The following CCDC7 variants were observed in gnomAD, a reference collection of about 807,000 sequenced individuals.
CCDC7 encodes the protein coiled-coil domain-containing protein 7.
CCDC7 carries 183 observed loss-of-function variants against 196.9 expected under a neutral mutation model. That is an observed-to-expected ratio of 0.93 (90% CI 0.82 to 1.05). The LOEUF is 1.05. Ranked by LOEUF, CCDC7 falls within the 50% of genes least tolerant of loss-of-function variation. CCDC7 has a pLI of 0.00. For synonymous variants in CCDC7, 525 were observed against 484.6 expected (o/e 1.08, Z -1.10); for missense variants, 1,540 against 1,482.2 (o/e 1.04, Z -0.64).
intron 20 of CCDC7, among the ~76,000 whole-genome samples, chr10:32,653,017 T>A (rs1438434157): frequency 1.3e-5 from 2 of 152,244 alleles, no homozygotes; most frequent in Non-Finnish European, 2.9e-5. Flanking sequence ...ACCTTTTGTT[T>A]GTCTAGGAAA....
intron 18 of CCDC7, among the ~76,000 whole-genome samples, chr10:32,585,364 C>T (rs17585234): frequency 5.3e-5 from 8 of 152,182 alleles, no homozygotes; most frequent in East Asian, 1.9e-4. Context: ...TGAGCCACCG[C>T]GCCCAGCCAA....
rs553838632 is a variant in CCDC7 at position 32,823,891 on chromosome 10, A to G, written c.3182-627A>G. ...CCCAGCTGTAAAGTCCGCCTGCTAA[A>G]AGAACCAGAGAGAAGAGACTTTTTT... On this transcript the variant is annotated intron_variant, in intron 31 of 41. Transcript: ENST00000639629. Among the ~76,000 whole-genome samples, 7 of 152,334 alleles carry G rather than the reference A, an allele frequency of 4.6e-5. No homozygotes were observed. The East Asian group carries it at 1.2e-3, about 25-fold the overall frequency.
intron 21 of CCDC7, among the ~76,000 whole-genome samples, chr10:32,669,641 T>G (rs2073646259): frequency 6.6e-6 from 1 of 152,182 alleles, no homozygotes; most frequent in South Asian, 2.1e-4. Flanking sequence ...TATTCATTTC[T>G]TCACGGTTAT....
intron 8 of CCDC7, among the ~76,000 whole-genome samples, chr10:32,476,766 A>G (rs1222077977): frequency 6.6e-6 from 1 of 152,204 alleles, no homozygotes. Context: ...ATAGTTGTGT[A>G]GTGATTTTTC....
At chr10:32,480,244 T>A (rs1442673408) in intron 8 of CCDC7, among the ~76,000 whole-genome samples, 1 of 152,118 alleles carries the variant, frequency 6.6e-6, no homozygotes, top group Admixed American at 6.6e-5. Flanking sequence ...TTGGGCTCAG[T>A]TTGTTCTTTT....
chr10:32,483,322 T>C (rs2040344749), intron 8 of CCDC7, among the ~76,000 whole-genome samples: 1 of 152,188 alleles, frequency 6.6e-6, no homozygotes, highest in Admixed American at 6.6e-5. Context: ...TGTTCATACC[T>C]GTTGCACACT....
intron 28 of CCDC7, among the ~76,000 whole-genome samples, chr10:32,742,726 G>A (rs531304920): frequency 6.6e-6 from 1 of 152,096 alleles, no homozygotes; most frequent in Non-Finnish European, 1.5e-5. Flanking sequence ...GGTGAAGAAG[G>A]GCTCTCCTTA....
At chr10:32,819,513 A>G (rs2089683755) in intron 31 of CCDC7, among the ~76,000 whole-genome samples, 1 of 152,214 alleles carries the variant, frequency 6.6e-6, no homozygotes, top group African/African-American at 2.4e-5. Flanking sequence ...ACACAACAAA[A>G]AAAAGAGAAT....
At chr10:32,759,698 T>A (rs1209303207) in intron 28 of CCDC7, among the ~76,000 whole-genome samples, 3 of 152,074 alleles carry the variant, frequency 2.0e-5, no homozygotes, top group African/African-American at 7.2e-5. Context: ...GGACTTCATG[T>A]CTAAAACACC....
At chr10:32,543,104 A>T (rs941392159) in intron 11 of CCDC7, among the ~76,000 whole-genome samples, 196 bp from the exon 13 acceptor site, 1 of 152,194 alleles carries the variant, frequency 6.6e-6, no homozygotes, top group Non-Finnish European at 1.5e-5. Context: ...GTTATATACA[A>T]CTTACACCAC....
chr10:32,817,329 G>C (rs1434887275), intron 31 of CCDC7, among the ~76,000 whole-genome samples: 2 of 152,120 alleles, frequency 1.3e-5, no homozygotes, highest in Non-Finnish European at 2.9e-5. Context: ...AAGAAATATG[G>C]GACTACATGA....
rs551940551 is a variant in CCDC7 at position 32,670,637 on chromosome 10, C to T, written c.2122+6476C>T. On this transcript the variant is annotated intron_variant, in intron 21 of 41. Coordinates refer to ENST00000639629, the Ensembl canonical transcript of CCDC7. Reference sequence around the variant, plus strand: ...ATTCCCACCTATGAGTGAGAATATGCGGTGTCTGGTTTTTTGTTCTTGCGA... The same window carrying T: ...ATTCCCACCTATGAGTGAGAATATGTGGTGTCTGGTTTTTTGTTCTTGCGA... 1.3e-4 allele frequency among the ~76,000 whole-genome samples: 19 copies of T among 148,410 alleles called. 1 individual carries two copies. The South Asian group carries it at 2.6e-3, about 20-fold the overall frequency.
At chr10:32,554,555 T>C (rs1234224768) in intron 13 of CCDC7, among the ~76,000 whole-genome samples, 3 of 152,188 alleles carry the variant, frequency 2.0e-5, no homozygotes, top group Admixed American at 6.5e-5. Flanking sequence ...CCAAGTAAGG[T>C]CAGAAACTTT....
chr10:32,610,830 C>G (rs1306240376), intron 18 of CCDC7, among the ~76,000 whole-genome samples: 6 of 152,222 alleles, frequency 3.9e-5, no homozygotes, highest in Admixed American at 2.0e-4. Context: ...CATTGATGGG[C>G]ATTTTGGTTG....
At chr10:32,632,145 G>T (rs959171252) in intron 18 of CCDC7, among the ~76,000 whole-genome samples, 2 of 140,056 alleles carry the variant, frequency 1.4e-5, no homozygotes, top group Admixed American at 7.1e-5. Context: ...TTTTTGGGGG[G>T]GGGGGGGTCT....
chr10:32,829,314 C>T (rs754657669), intron 32 of CCDC7, among the ~76,000 whole-genome samples: 5 of 152,144 alleles, frequency 3.3e-5, no homozygotes, highest in Non-Finnish European at 7.4e-5. Flanking sequence ...AAAGGGAATA[C>T]AGAATGCATA....
intron 21 of CCDC7, among the ~76,000 whole-genome samples, chr10:32,678,774 G>T (rs528921148): frequency 1.3e-5 from 2 of 152,182 alleles, no homozygotes; most frequent in African/African-American, 2.4e-5. Flanking sequence ...CTTGGGGAAG[G>T]TGTGACATGA....
chr10:32,461,157 A>G (rs1420873693), intron 3 of CCDC7, among the ~76,000 whole-genome samples: 1 of 152,148 alleles, frequency 6.6e-6, no homozygotes, highest in Non-Finnish European at 1.5e-5. Flanking sequence ...TGAACTGTGT[A>G]TGGATGCTCC....
At chr10:32,444,187 T>C (rs941603867), upstream of CCDC7, among the ~76,000 whole-genome samples, 1 of 152,210 alleles carries the variant, frequency 6.6e-6, no homozygotes. Flanking sequence ...GAAAAATCAA[T>C]TTTTCACTAT....
Sources: allele counts gnomAD v4.1 joint callset (sites outside exome capture counted in the v4.1 genomes callset), GRCh38; gene constraint gnomAD v4.1.1; transcripts MANE v1.5; gene names NCBI Gene and HGNC (gene_info 2026-07-23, HGNC 2026-07-21).